Variants in NPHP1 observed in about 807,000 individuals in gnomAD.
NPHP1 encodes nephrocystin-1.
A neutral mutation model predicts 90.4 loss-of-function variants in NPHP1; 70 were observed. The observed-to-expected ratio is 0.77, with a 90% CI of 0.64 to 0.95. NPHP1 has a LOEUF of 0.95. Among genes scored for constraint, NPHP1 ranks in the 40% least tolerant of loss-of-function variants. The pLI is 0.00. For missense variants in NPHP1, 764 were observed against 795.9 expected (o/e 0.96, Z 0.48); for synonymous variants, 256 against 271.7 (o/e 0.94, Z 0.57).
intron 6 of NPHP1, among the ~76,000 whole-genome samples, chr2:110,166,402 A>T (rs1395326330): frequency 6.6e-6 from 1 of 152,162 alleles, no homozygotes; most frequent in Non-Finnish European, 1.5e-5. Context: ...ACATTTCCCA[A>T]GACTTCCTTG....
intron 4 of NPHP1, 87 bp downstream of exon 4, chr2:110,178,336 T>C (rs1021697912): frequency 5.6e-6 from 7 of 1,258,404 alleles, no homozygotes; most frequent in Non-Finnish European, 8.1e-6. Context: ...TTTATATCTA[T>C]ACTGCTATAT....
rs562471839 is a variant in NPHP1 at position 110,185,647 on chromosome 2, C to T, written c.144-5963G>A. On this transcript the variant is annotated intron_variant, in intron 2 of 19. Coordinates refer to ENST00000445609, the MANE Select transcript of NPHP1 (RefSeq NM_001128178.3). ...CTTGCTGGTCACTCCGCTATCAATG[C>T]CCCCTGACTGGGCACTGAGGACTGG... is the stretch of plus-strand genomic sequence containing the variant. 2.9e-4 allele frequency among the ~76,000 whole-genome samples: 44 copies of T among 152,296 alleles called. 4 individuals are homozygous for T. The South Asian group carries it at 8.7e-3, about 30-fold the overall frequency.
chr2:110,166,518 T>G (rs764776516), intron 6 of NPHP1, among the ~76,000 whole-genome samples: 12 of 152,154 alleles, frequency 7.9e-5, no homozygotes, highest in Non-Finnish European at 1.3e-4. Flanking sequence ...AGCTTATGCC[T>G]TTTGAATTCT....
At chr2:110,129,342 G>T in intron 17 of NPHP1, 83 bp from the exon 18 acceptor site, 2 of 996,306 alleles carry the variant, frequency 2.0e-6, no homozygotes, top group Non-Finnish European at 3.2e-6. Context: ...ATATTCAGAT[G>T]AAAATTATTG....
intron 16 of NPHP1, among the ~76,000 whole-genome samples, chr2:110,141,640 T>C (rs538532485): frequency 1.4e-4 from 22 of 152,220 alleles, no homozygotes; most frequent in South Asian, 1.0e-3. Flanking sequence ...CTCTCATACA[T>C]TGCTAATGAG....
At chr2:110,149,793 C>A (rs1217528940) in intron 12 of NPHP1, among the ~76,000 whole-genome samples, 1 of 152,146 alleles carries the variant, frequency 6.6e-6, no homozygotes, top group East Asian at 1.9e-4. Context: ...TAATGCCATT[C>A]CAGTCTTGAC....
At position 110,179,153 on chromosome 2, in the gene NPHP1, A is replaced by AG. The variant is rs569906650; in HGVS notation, c.204+470_204+471insC. On this transcript the variant is annotated intron_variant, in intron 3 of 19. Coordinates refer to ENST00000445609, the MANE Select transcript of NPHP1 (RefSeq NM_001128178.3). The stretch of plus-strand genomic sequence containing the variant: ...AGCTGTAGCCAAGGCTCATGTGAAA[A>AG]AAAAAAAAAAATCCTGAAGGGATTG... Among the ~76,000 whole-genome samples, 404 of 151,576 alleles carry AG rather than the reference A, an allele frequency of 2.7e-3. 4 individuals carry two copies. Among genetic ancestry groups the AG allele is most frequent in the African/African-American group, 9.7e-3 (399 of 41,226 alleles).
intron 2 of NPHP1, chr2:110,184,802 C>T: frequency 1.4e-6 from 1 of 707,814 alleles, no homozygotes; most frequent in South Asian, 1.4e-5. Context: ...TCAGTACTAC[C>T]TGCCTGATGG....
At chr2:110,163,350 G>A (rs1172788236) in intron 8 of NPHP1, 12 of 553,928 alleles carry the variant, frequency 2.2e-5, no homozygotes, top group Middle Eastern at 4.9e-4. Flanking sequence ...AGTGCCCAGC[G>A]TGCAGAGCTG....
intron 1 of NPHP1, chr2:110,202,271 T>C (rs1044119770): frequency 3.3e-6 from 1 of 307,392 alleles, no homozygotes; most frequent in African/African-American, 2.1e-5. Flanking sequence ...ATAGATTACG[T>C]AGAGAAGATA....
intron 2 of NPHP1, among the ~76,000 whole-genome samples, chr2:110,186,233 G>A (rs1225157160): frequency 1.3e-5 from 2 of 152,190 alleles, no homozygotes; most frequent in African/African-American, 4.8e-5. Flanking sequence ...CTGGTTGCTG[G>A]TTAGATTTTC....
At chr2:110,184,678 C>T (rs1007624997) in intron 2 of NPHP1, 6 of 741,162 alleles carry the variant, frequency 8.1e-6, no homozygotes, top group South Asian at 4.3e-5. Flanking sequence ...TTCCACTCAT[C>T]GTTTGAGATT....
At chr2:110,159,319 T>C (rs1263751510) in intron 11 of NPHP1, among the ~76,000 whole-genome samples, 1 of 152,040 alleles carries the variant, frequency 6.6e-6, no homozygotes, top group African/African-American at 2.4e-5. Context: ...CATTTCTCCT[T>C]CATCTGTTCC....
chr2:110,168,474 A>C lies in NPHP1; in HGVS notation c.602T>G (p.Leu201Arg). The C allele has an allele frequency of 1.9e-6, 3 of 1,612,840 alleles. No homozygotes were observed. In the South Asian group the frequency reaches 3.3e-5, roughly 18 times the overall value. Residue 201 changes from leucine to arginine, a missense_variant, in exon 6 of 20, where the codon CTT becomes CGT. Leu to Arg is a moderately radical substitution (Grantham distance 102). Coordinates refer to ENST00000445609, the MANE Select transcript of NPHP1 (RefSeq NM_001128178.3). ...IAKDAKGNEGLVPRTYLEPYS... is the reference protein window; with the variant it reads ...IAKDAKGNEGRVPRTYLEPYS... The stretch of plus-strand genomic sequence containing the variant: ...AACCTCTAGGTAGGTTCTGGGAACA[A>C]GACCTTCATTTCCTTTGGCATCCTT...
chr2:110,160,293 T>C, intron 10 of NPHP1, 38 bp from the exon 11 acceptor site: 1 of 1,512,788 alleles, frequency 6.6e-7, no homozygotes, highest in Non-Finnish European at 9.2e-7. Context: ...TTTATTTTTA[T>C]GATTTCTAAC....
intron 1 of NPHP1, chr2:110,202,439 C>G: frequency 2.2e-6 from 1 of 455,280 alleles, no homozygotes; most frequent in Non-Finnish European, 4.4e-6. Context: ...CCTACAGACA[C>G]CGAATAGAAA....
intron 2 of NPHP1, 150 bp from the exon 3 acceptor site, chr2:110,179,834 C>A (rs1683764415): frequency 5.9e-6 from 3 of 512,816 alleles, no homozygotes; most frequent in East Asian, 3.3e-5. Context: ...GCTTTTCCAC[C>A]TATTAGCTCA....
At chr2:110,138,478 T>G (rs1680378397) in intron 16 of NPHP1, among the ~76,000 whole-genome samples, 1 of 152,124 alleles carries the variant, frequency 6.6e-6, no homozygotes, top group Admixed American at 6.5e-5. Context: ...TTAAACTGTC[T>G]TTTTTCAACC....
At chr2:110,130,382 T>C (rs547701501) in intron 17 of NPHP1, among the ~76,000 whole-genome samples, 6 of 152,298 alleles carry the variant, frequency 3.9e-5, no homozygotes, top group African/African-American at 7.2e-5. Flanking sequence ...TTCTTACCTA[T>C]TGGGAAAACT....
Sources: gnomAD v4.1 joint callset for allele counts (sites outside exome capture counted in the v4.1 genomes callset) on GRCh38, gnomAD v4.1.1 for gene constraint, MANE v1.5 for transcripts, NCBI Gene and HGNC (gene_info 2026-07-23, HGNC 2026-07-21) for gene names.